The following ODAD2 variants were observed in gnomAD, a reference collection of about 807,000 sequenced individuals.
ODAD2 encodes outer dynein arm docking complex subunit 2.
A neutral mutation model predicts 106.8 loss-of-function variants in ODAD2; 89 were observed. The ratio of observed to expected loss-of-function variants is 0.83; its 90% CI spans 0.70 to 0.99. The LOEUF (loss-of-function observed/expected upper bound fraction) is 0.99. ODAD2 is among the 50% of genes least tolerant of loss of function. ODAD2 has a pLI of 0.00. For synonymous variants in ODAD2, 404 were observed against 436.2 expected (o/e 0.93, Z 0.92); for missense variants, 1,168 against 1,238.5 (o/e 0.94, Z 0.85).
intron 17 of ODAD2, among the ~76,000 whole-genome samples, chr10:27,902,962 T>C (rs1482459068): frequency 6.6e-6 from 1 of 151,766 alleles, no homozygotes; most frequent in Non-Finnish European, 1.5e-5. Flanking sequence ...ACCAGCATCA[T>C]CCCCATACCA....
chr10:27,924,513 T>C (rs933549471), intron 16 of ODAD2, among the ~76,000 whole-genome samples: 1 of 144,476 alleles, frequency 6.9e-6, no homozygotes, highest in Admixed American at 7.0e-5. Context: ...GAAATTTATG[T>C]GGTAGAAAAT....
intron 19 of ODAD2, among the ~76,000 whole-genome samples, chr10:27,827,225 G>T (rs1837114006): frequency 6.6e-6 from 1 of 151,626 alleles, no homozygotes; most frequent in Admixed American, 6.6e-5. Flanking sequence ...ATATGACTCA[G>T]GACATCATGG....
chr10:27,896,815 C>T (rs565883594), intron 17 of ODAD2, among the ~76,000 whole-genome samples: 29 of 152,234 alleles, frequency 1.9e-4, no homozygotes, highest in Admixed American at 5.9e-4. Flanking sequence ...CATGCCTCTT[C>T]CATGTTTATC....
intron 19 of ODAD2, among the ~76,000 whole-genome samples, chr10:27,830,136 A>T (rs1442172021): frequency 1.3e-5 from 2 of 152,148 alleles, no homozygotes; most frequent in African/African-American, 2.4e-5. Flanking sequence ...CTCCAACTCC[A>T]TGATACTCTA....
intron 14 of ODAD2, 53 bp downstream of exon 14, chr10:27,939,844 C>A: frequency 8.7e-7 from 1 of 1,145,930 alleles, no homozygotes; most frequent in Non-Finnish European, 1.2e-6. Context: ...TAGAAAACTA[C>A]CTTAAACTAT....
At chr10:27,836,493 C>T (rs187874564) in intron 19 of ODAD2, among the ~76,000 whole-genome samples, 126 of 152,296 alleles carry the variant, frequency 8.3e-4, no homozygotes, top group Non-Finnish European at 1.4e-3. Flanking sequence ...AATATGTAAA[C>T]ATATCTATAC....
intron 7 of ODAD2, among the ~76,000 whole-genome samples, chr10:27,979,331 C>G (rs1365812456): frequency 6.6e-6 from 1 of 150,560 alleles, no homozygotes; most frequent in Non-Finnish European, 1.5e-5. Flanking sequence ...AGTAATTAGT[C>G]AAGAAAAAGA....
chr10:27,861,005 T>G (rs1394854524), intron 18 of ODAD2, among the ~76,000 whole-genome samples, 159 bp from the exon 19 acceptor site: 1 of 152,102 alleles, frequency 6.6e-6, no homozygotes, highest in Non-Finnish European at 1.5e-5. Flanking sequence ...GGAACTAGTC[T>G]TTTTTAGATG....
intron 16 of ODAD2, among the ~76,000 whole-genome samples, chr10:27,909,211 A>T (rs1339707427): frequency 6.6e-6 from 1 of 152,186 alleles, no homozygotes; most frequent in African/African-American, 2.4e-5. Context: ...ATCTTCTTGA[A>T]AATTTCGCAG....
chr10:27,902,848 C>G (rs1327124590), intron 17 of ODAD2, among the ~76,000 whole-genome samples: 3 of 152,158 alleles, frequency 2.0e-5, no homozygotes, highest in Non-Finnish European at 2.9e-5. Context: ...GATGGACTCA[C>G]AGCAGAATTC....
Position 27,987,396 on chromosome 10 carries a change from T to C in ODAD2, c.372A>G (p.Ala124=), listed in dbSNP as rs1332317109. The part of the protein sequence containing the change: ...AKTGKLKEAQ[A]CVEANRDPIV... ...GAGCATTAAGATCACCTTCAACACA[T>C]GCTTGGGCTTCCTTCAACTTCCCAG... The change falls in exon 3 of 20, where the codon GCA becomes GCG. Residue 124 remains alanine, a synonymous_variant. Transcript: ENST00000305242. 6.2e-7 allele frequency: 1 copy of C among 1,613,480 alleles called. No individual in the cohort carries two copies.
intron 19 of ODAD2, among the ~76,000 whole-genome samples, chr10:27,860,147 A>G (rs925932513): frequency 9.2e-5 from 14 of 152,314 alleles, no homozygotes; most frequent in African/African-American, 3.4e-4. Context: ...ACTTTTCTGC[A>G]GCATAAATCA....
At chr10:27,841,222 T>C (rs1369571023) in intron 19 of ODAD2, among the ~76,000 whole-genome samples, 1 of 152,202 alleles carries the variant, frequency 6.6e-6, no homozygotes, top group Non-Finnish European at 1.5e-5. Flanking sequence ...CTGTTATTAC[T>C]ATGATTATTT....
chr10:27,888,628 G>A (rs553626011), intron 17 of ODAD2, among the ~76,000 whole-genome samples: 8 of 151,970 alleles, frequency 5.3e-5, no homozygotes, highest in African/African-American at 1.9e-4. Context: ...TATTTATTCC[G>A]TTAATTATTA....
intron 14 of ODAD2, 104 bp downstream of exon 14, chr10:27,939,793 A>G: frequency 1.9e-6 from 1 of 513,042 alleles, no homozygotes. Context: ...AATAAAATGC[A>G]GATTCCTGAG....
At chr10:27,925,406 G>C (rs1845186238) in intron 16 of ODAD2, among the ~76,000 whole-genome samples, 1 of 152,216 alleles carries the variant, frequency 6.6e-6, no homozygotes, top group Non-Finnish European at 1.5e-5. Context: ...CACCCAGGCT[G>C]GAGTACAGTG....
chr10:27,985,851 T>G (rs1465478942), intron 3 of ODAD2, among the ~76,000 whole-genome samples: 1 of 151,642 alleles, frequency 6.6e-6, no homozygotes, highest in Non-Finnish European at 1.5e-5. Flanking sequence ...TTATCAAGGC[T>G]GATACAGATG....
chr10:27,832,742 T>C (rs1037818534), intron 19 of ODAD2, among the ~76,000 whole-genome samples: 2 of 152,294 alleles, frequency 1.3e-5, no homozygotes, highest in African/African-American at 4.8e-5. Context: ...GGACTTAATG[T>C]TGCATTTCAG....
intron 16 of ODAD2, among the ~76,000 whole-genome samples, chr10:27,927,692 C>T (rs1002534305): frequency 5.3e-5 from 8 of 152,044 alleles, no homozygotes; most frequent in Admixed American, 5.2e-4. Context: ...CTCTTTGTCT[C>T]CTTTAAACAC....
Sources: allele counts gnomAD v4.1 joint callset (sites outside exome capture counted in the v4.1 genomes callset), GRCh38; gene constraint gnomAD v4.1.1; transcripts MANE v1.5; gene names NCBI Gene and HGNC (gene_info 2026-07-23, HGNC 2026-07-21).